Variants in DCUN1D4 observed in about 807,000 individuals in gnomAD.
The protein encoded by DCUN1D4 is defective in cullin neddylation 1 domain containing 4.
DCUN1D4 carries 22 observed loss-of-function variants against 47.9 expected under a neutral mutation model. That is an observed-to-expected ratio of 0.46 (90% CI 0.33 to 0.66). DCUN1D4 has a LOEUF of 0.66. DCUN1D4 is among the 30% of genes least tolerant of loss of function. The pLI, the probability that DCUN1D4 is intolerant of heterozygous loss-of-function variation, is 0.02. For synonymous variants in DCUN1D4, 121 were observed against 112.2 expected (o/e 1.08, Z -0.50); for missense variants, 301 against 340.8 (o/e 0.88, Z 0.92).
chr4:51,836,466 T>G, the DCUN1D4 span, among the ~76,000 whole-genome samples: 1 of 152,332 alleles, frequency 6.6e-6, no homozygotes, highest in South Asian at 2.1e-4. Flanking sequence ...AATTTATTTC[T>G]TTTTCAATTT....
intron 5 of DCUN1D4, among the ~76,000 whole-genome samples, chr4:51,881,552 G>A (rs1233856870): frequency 6.6e-6 from 1 of 151,624 alleles, no homozygotes; most frequent in Non-Finnish European, 1.5e-5. Context: ...AGGGAAAGTG[G>A]AAGGACCACT....
At chr4:51,876,306 CTA>C (rs1727659017) in intron 4 of DCUN1D4, among the ~76,000 whole-genome samples, 1 of 151,878 alleles carries the variant, frequency 6.6e-6, no homozygotes, top group African/African-American at 2.4e-5. Flanking sequence ...TCTCAGCAAA[CTA>C]TCGCAAGGAC....
intron 1 of DCUN1D4, among the ~76,000 whole-genome samples, chr4:51,856,143 A>G (rs1469016768): frequency 6.6e-6 from 1 of 152,098 alleles, no homozygotes; most frequent in African/African-American, 2.4e-5. Context: ...ATTTTGTCCA[A>G]TTTTGTTTTG....
At position 51,877,805 on chromosome 4, in the gene DCUN1D4, A is replaced by G. The variant is rs770977939; in HGVS notation, c.294A>G (p.Glu98=). ...ATTCGACTAGAATAAAGACTGAAGA[A>G]GAAGCCTTTTCAAGTAAAAGGTGCT... The part of the protein sequence containing the change: ...KYDSTRIKTE[E]EAFSSKRCLE... The change falls in exon 5 of 11, where the codon GAA becomes GAG. Residue 98 remains glutamate, a synonymous_variant. Coordinates refer to ENST00000334635, the MANE Select transcript of DCUN1D4 (RefSeq NM_001040402.3). The G allele has an allele frequency of 3.1e-6, 5 of 1,612,188 alleles. No homozygotes were observed. The South Asian group carries it at 5.5e-5, about 18-fold the overall frequency.
intron 1 of DCUN1D4, chr4:51,844,746 T>G: frequency 1.3e-6 from 1 of 776,588 alleles, no homozygotes; most frequent in Non-Finnish European, 1.6e-6. Flanking sequence ...AGTCAACGGG[T>G]ATGAAGGGGA....
chr4:51,896,617 A>G (rs1354929006), intron 7 of DCUN1D4, among the ~76,000 whole-genome samples: 2 of 152,148 alleles, frequency 1.3e-5, no homozygotes, highest in African/African-American at 2.4e-5. Flanking sequence ...ACCCTACAGT[A>G]GAAAATCTAA....
At chr4:51,858,101 G>C (rs939819367) in intron 1 of DCUN1D4, among the ~76,000 whole-genome samples, 1 of 152,132 alleles carries the variant, frequency 6.6e-6, no homozygotes, top group African/African-American at 2.4e-5. Flanking sequence ...GTCTGGCAAG[G>C]TTATGTAAGG....
intron 3 of DCUN1D4, among the ~76,000 whole-genome samples, chr4:51,871,577 T>A (rs1351389698): frequency 1.3e-5 from 2 of 152,236 alleles, no homozygotes; most frequent in East Asian, 3.8e-4. Context: ...ACTGCTAGAC[T>A]GGAAGCTAAG....
Position 51,863,450 on chromosome 4 carries a change from C to T in DCUN1D4, c.39C>T (p.Asn13=), listed in dbSNP as rs1366774181. 1.2e-6 allele frequency: 2 copies of T among 1,609,158 alleles called. No homozygotes were observed. The highest frequency in any genetic ancestry group is 1.1e-5 in the South Asian group (1 of 90,328). ...SDAAAVNFQL[N]SHLSTLANIH... ...TTTCTTTTCAAGATTTTCAGCTGAA[C>T]TCTCATCTCTCAACACTGGCAAATA... Residue 13 remains asparagine (N), a synonymous_variant, in exon 2 of 11, where the codon AAC becomes AAT. Transcript: ENST00000334635.
chr4:51,849,545 CTT>C (rs1560450378), intron 1 of DCUN1D4, among the ~76,000 whole-genome samples: 2 of 152,050 alleles, frequency 1.3e-5, no homozygotes, highest in Non-Finnish European at 2.9e-5. Flanking sequence ...AGTGATGTAT[CTT>C]TTTCATCCTG....
intron 5 of DCUN1D4, among the ~76,000 whole-genome samples, chr4:51,885,467 G>A (rs375671020): frequency 1.8e-4 from 28 of 152,338 alleles, no homozygotes; most frequent in African/African-American, 5.8e-4. Flanking sequence ...GCCTGATATC[G>A]AGAGACATTG....
intron 1 of DCUN1D4, among the ~76,000 whole-genome samples, chr4:51,847,619 T>C (rs1429459507): frequency 6.6e-6 from 1 of 151,654 alleles, no homozygotes; most frequent in Non-Finnish European, 1.5e-5. Flanking sequence ...TTTTTCTTTC[T>C]TTTTTGTTTT....
intron 1 of DCUN1D4, among the ~76,000 whole-genome samples, chr4:51,861,429 TTG>T (rs1320753137): frequency 6.6e-6 from 1 of 152,126 alleles, no homozygotes; most frequent in African/African-American, 2.4e-5. Context: ...TGAGGATAAC[TTG>T]TGTTTCTTGT....
intron 1 of DCUN1D4, among the ~76,000 whole-genome samples, chr4:51,862,840 C>G (rs1033399630): frequency 4.0e-5 from 6 of 151,502 alleles, no homozygotes; most frequent in African/African-American, 7.3e-5. Flanking sequence ...AAGACCCTGT[C>G]TCTACAAGAA....
chr4:51,834,736 G>A, the DCUN1D4 span, among the ~76,000 whole-genome samples: 1 of 152,078 alleles, frequency 6.6e-6, no homozygotes, highest in African/African-American at 2.4e-5. Context: ...AGAGGCCCTG[G>A]GCACCCGGGA....
In DCUN1D4 at chr4:51,843,679, C is replaced by T. The variant is rs866303515; in HGVS notation, c.25+412C>T. ...GAGAGGGAGGGAGCGAGCGAGCGAGCGGGGCACAAGGGTGAGGATTTCCAA... is the reference window on the plus strand; with the variant it reads ...GAGAGGGAGGGAGCGAGCGAGCGAGTGGGGCACAAGGGTGAGGATTTCCAA... On this transcript the variant is annotated intron_variant, in intron 1 of 10. Transcript: ENST00000334635. 195 of 1,203,640 alleles carry T rather than the reference C, an allele frequency of 1.6e-4. No individual in the cohort carries two copies. In the African/African-American group the frequency reaches 2.9e-3, roughly 18 times the overall value. 74.6% of individuals were successfully genotyped at this position (1,203,640 alleles called of 1,614,324 possible).
At chr4:51,851,179 C>G (rs1723304810) in intron 1 of DCUN1D4, among the ~76,000 whole-genome samples, 1 of 152,158 alleles carries the variant, frequency 6.6e-6, no homozygotes, top group African/African-American at 2.4e-5. Context: ...GGGATTTTTG[C>G]TGCCAGGTGC....
chr4:51,880,364 G>A (rs1728399564), intron 5 of DCUN1D4, among the ~76,000 whole-genome samples: 1 of 152,192 alleles, frequency 6.6e-6, no homozygotes, highest in Non-Finnish European at 1.5e-5. Flanking sequence ...GGCTGGTTTG[G>A]GCTGAGGATA....
At chr4:51,896,463 A>G (rs1175363823) in intron 7 of DCUN1D4, among the ~76,000 whole-genome samples, 2 of 152,154 alleles carry the variant, frequency 1.3e-5, no homozygotes, top group African/African-American at 2.4e-5. Flanking sequence ...AGTCAAATCT[A>G]TGGCTTTGGT....
Sources: allele counts gnomAD v4.1 joint callset (sites outside exome capture counted in the v4.1 genomes callset), GRCh38; gene constraint gnomAD v4.1.1; transcripts MANE v1.5; gene names NCBI Gene and HGNC (gene_info 2026-07-23, HGNC 2026-07-21).